The following EP400 variants were observed in gnomAD, a reference collection of about 807,000 sequenced individuals.
The protein encoded by EP400 is E1A binding protein p400, also known as E1A-binding protein p400.
Under a neutral mutation model 354.1 loss-of-function variants are expected in EP400, and 105 were observed. The ratio of observed to expected loss-of-function variants is 0.30; its 90% CI spans 0.25 to 0.35. EP400 has a LOEUF of 0.35. Among genes scored for constraint, EP400 ranks in the 10% least tolerant of loss-of-function variants. The pLI, the probability that EP400 is intolerant of heterozygous loss-of-function variation, is 1.00. For synonymous variants in EP400, 1,646 were observed against 1,716.9 expected (o/e 0.96, Z 1.02); for missense variants, 3,280 against 4,121.0 (o/e 0.80, Z 5.59).
intron 15 of EP400, among the ~76,000 whole-genome samples, chr12:132,007,704 A>G (rs551184677): frequency 1.3e-4 from 20 of 152,342 alleles, no homozygotes; most frequent in African/African-American, 4.8e-4. Context: ...TCCAGACTTA[A>G]AGTAGGCTTT....
intron 5 of EP400, among the ~76,000 whole-genome samples, chr12:131,985,898 G>A (rs1412697899): frequency 6.6e-6 from 1 of 152,228 alleles, no homozygotes; most frequent in Non-Finnish European, 1.5e-5. Flanking sequence ...GTGAGCCACT[G>A]CGCCTGGCCT....
intron 1 of EP400, among the ~76,000 whole-genome samples, chr12:131,953,151 A>G (rs1029792292): frequency 2.6e-5 from 4 of 152,238 alleles, no homozygotes; most frequent in Non-Finnish European, 5.9e-5. Context: ...GTTCCTGAAC[A>G]GATGTACAGT....
chr12:132,025,397 A>C lies in EP400; in HGVS notation c.4856-249A>C, dbSNP rs138439780. Among the ~76,000 whole-genome samples, 1 of 152,168 alleles carries C rather than the reference A, an allele frequency of 6.6e-6. No homozygotes were observed. The highest frequency in any genetic ancestry group is 1.5e-5 in the Non-Finnish European group (1 of 68,034). Reference sequence around the variant, plus strand: ...AGCAGCTGTGTGTCACCCACCTTCCATGAGGGACAGAGGGTAGATGGCCTT... The same window carrying C: ...AGCAGCTGTGTGTCACCCACCTTCCCTGAGGGACAGAGGGTAGATGGCCTT... On this transcript the variant is annotated intron_variant, in intron 24 of 52. Transcript: ENST00000389561. This position sits in a 1 kb window ranked among gnomAD's most constrained non-coding sequence, Gnocchi z 4.1.
intron 39 of EP400, among the ~76,000 whole-genome samples, chr12:132,049,933 T>C (rs1173569254): frequency 6.6e-6 from 1 of 152,144 alleles, no homozygotes; most frequent in Non-Finnish European, 1.5e-5. Flanking sequence ...CAGATGACAG[T>C]GTTGTCCGTG....
intron 2 of EP400, among the ~76,000 whole-genome samples, chr12:131,966,562 C>CAAAAAAAAAAAAAA (rs534384776): frequency 1.7e-5 from 1 of 57,518 alleles, no homozygotes; most frequent in African/African-American, 5.7e-5. Context: ...TACCCTACCT[C>CAAAAAAAAAAAAAA]AAAAAAAAAA....
chr12:131,967,253 C>T (rs1593314177), intron 2 of EP400, among the ~76,000 whole-genome samples: 1 of 151,266 alleles, frequency 6.6e-6, no homozygotes, highest in South Asian at 2.1e-4. Flanking sequence ...TGGTAGTGGG[C>T]GCCTGTAATC....
intron 11 of EP400, among the ~76,000 whole-genome samples, chr12:131,992,577 T>C (rs1893076827): frequency 1.3e-5 from 2 of 152,142 alleles, no homozygotes; most frequent in South Asian, 2.1e-4. Context: ...TTGCCAGCCA[T>C]TGGGATTTCA....
chr12:132,066,533 C>T (rs972983144), intron 48 of EP400: 7 of 499,042 alleles, frequency 1.4e-5, no homozygotes, highest in Middle Eastern at 5.0e-4. Flanking sequence ...GACATCTGAA[C>T]GCAGCAGCAT....
rs1896029992 is a variant in EP400, at chr12:132,070,308, A to G, written c.9021+667A>G. Reference sequence around the variant, plus strand: ...TTTTGGGTCTGAGATAGAAACAGGAATTCAATTTGATGTGCTCTATGAATA... The same window carrying G: ...TTTTGGGTCTGAGATAGAAACAGGAGTTCAATTTGATGTGCTCTATGAATA... On this transcript the variant is annotated intron_variant, in intron 51 of 52. Coordinates refer to ENST00000389561, the MANE Select transcript of EP400 (RefSeq NM_015409.5). This position sits in a 1 kb window ranked among gnomAD's most constrained non-coding sequence, Gnocchi z 4.1. Among the ~76,000 whole-genome samples the G allele has an allele frequency of 6.6e-6, 1 of 152,240 alleles. No individual in the cohort carries two copies. The highest frequency in any genetic ancestry group is 1.5e-5 in the Non-Finnish European group (1 of 68,052).
chr12:132,051,278 A>G (rs1226414727), intron 41 of EP400, among the ~76,000 whole-genome samples: 1 of 152,142 alleles, frequency 6.6e-6, no homozygotes, highest in Admixed American at 6.6e-5. Flanking sequence ...GTAGGCTCCA[A>G]CCCTACAGGG....
chr12:131,980,736 G>A (rs1171827866), intron 3 of EP400, among the ~76,000 whole-genome samples: 1 of 152,118 alleles, frequency 6.6e-6, no homozygotes, highest in African/African-American at 2.4e-5. Context: ...TGCATTTTAG[G>A]TACAGTTGTG....
chr12:131,951,311 C>CAA (rs1891482968), intron 1 of EP400, among the ~76,000 whole-genome samples: 1 of 151,698 alleles, frequency 6.6e-6, no homozygotes, highest in African/African-American at 2.4e-5. Flanking sequence ...CTCGCCCTCG[C>CAA]AAAGTGTTAG....
At chr12:132,043,220 T>C in intron 32 of EP400, 84 bp from the exon 33 acceptor site, 1 of 1,455,724 alleles carries the variant, frequency 6.9e-7, no homozygotes, top group Non-Finnish European at 9.3e-7. Context: ...GGCATCTCCA[T>C]TAACTTTACA....
At chr12:131,995,489 T>C (rs950339634) in intron 12 of EP400, among the ~76,000 whole-genome samples, 3 of 142,702 alleles carry the variant, frequency 2.1e-5, no homozygotes, top group East Asian at 2.2e-4. Context: ...TTCATGTGAA[T>C]GAATCCCACC....
At chr12:132,042,971 C>T (rs1055168689) in intron 32 of EP400, among the ~76,000 whole-genome samples, 1 of 152,234 alleles carries the variant, frequency 6.6e-6, no homozygotes, top group African/African-American at 2.4e-5. Flanking sequence ...ATGGAGCCTC[C>T]TTGGGCCTTT....
chr12:131,982,508 A>G (rs528951751), intron 5 of EP400, 30 bp downstream of exon 5: 94 of 1,561,508 alleles, frequency 6.0e-5, no homozygotes, highest in Non-Finnish European at 7.8e-5. Flanking sequence ...AAAAAAAGAA[A>G]ATGGTTTGCA....
chr12:131,961,370 C>G lies in EP400; in HGVS notation c.751C>G (p.Gln251Glu), dbSNP rs1566161338. 1 of 1,399,212 alleles carries G rather than the reference C, an allele frequency of 7.1e-7. No homozygotes were observed. Among genetic ancestry groups the G allele is most frequent in the Non-Finnish European group, 9.8e-7 (1 of 1,016,784 alleles). The allele number at this position is 1,399,212 out of a possible 1,614,324, so 86.7% of individuals were successfully genotyped here. ...TGCAGCCGCGGGTGGGGCCGGCCTG[C>G]AGCCCCTGGCCAGCCCAAGCCACAT... ...SPAAAGGAGL[Q>E]PLASPSHITT... is the part of the protein sequence containing the mutation. The change falls in exon 2 of 53, where the codon CAG becomes GAG. Residue 251 changes from glutamine to glutamate, a missense_variant. This residue lies in a region of EP400 where 3 missense variants were observed against 80.7 expected (regional missense o/e 0.04). Transcript: ENST00000389561.
At chr12:131,955,889 G>T (rs563868361) in intron 1 of EP400, among the ~76,000 whole-genome samples, 201 of 151,656 alleles carry the variant, frequency 1.3e-3, no homozygotes, top group African/African-American at 4.8e-3. Flanking sequence ...CAGGTGATCC[G>T]CCCGCCTCGG....
At chr12:131,982,525 G>A in intron 5 of EP400, 47 bp downstream of exon 5, 1 of 1,547,228 alleles carries the variant, frequency 6.5e-7, no homozygotes, top group Non-Finnish European at 8.7e-7. Context: ...TGCAGGATTT[G>A]CTGGCTACCT....
Sources: allele counts gnomAD v4.1 joint callset (sites outside exome capture counted in the v4.1 genomes callset), GRCh38; gene constraint gnomAD v4.1.1; regional missense constraint gnomAD v4.1.1; non-coding constraint Gnocchi (gnomAD v3.1); transcripts MANE v1.5; gene names NCBI Gene and HGNC (gene_info 2026-07-23, HGNC 2026-07-21).